Variants in IGF2R observed in about 807,000 individuals in gnomAD.
IGF2R encodes the protein cation-independent mannose-6-phosphate receptor.
Under a neutral mutation model 270.6 loss-of-function variants are expected in IGF2R, and 91 were observed. That is an observed-to-expected ratio of 0.34 (90% CI 0.28 to 0.40). The LOEUF (loss-of-function observed/expected upper bound fraction) is 0.40. Ranked by LOEUF, IGF2R falls within the 10% of genes least tolerant of loss-of-function variation. The pLI is 1.00. For missense variants in IGF2R, 2,805 were observed against 3,188.3 expected, an observed-to-expected ratio of 0.88 and a Z score of 2.90; for synonymous variants, 1,316 against 1,258.9, an observed-to-expected ratio of 1.05 and a Z score of -0.96.
At chr6:159,971,924 T>A (rs1783615279) in intron 1 of IGF2R, among the ~76,000 whole-genome samples, 1 of 152,166 alleles carries the variant, frequency 6.6e-6, no homozygotes. Context: ...CCCAAAGTGT[T>A]GGGATTACAG....
intron 45 of IGF2R, among the ~76,000 whole-genome samples, chr6:160,101,832 A>G (rs1015599257): frequency 2.6e-5 from 4 of 152,218 alleles, no homozygotes; most frequent in Admixed American, 2.6e-4. Context: ...GTTCGATGTC[A>G]TGGAAACGCA....
intron 45 of IGF2R, among the ~76,000 whole-genome samples, chr6:160,098,821 G>GA (rs529234187): frequency 1.6e-4 from 24 of 151,628 alleles, no homozygotes; most frequent in Non-Finnish European, 2.7e-4. Context: ...TAGATCTCAG[G>GA]AAAAAAAATC....
At chr6:159,972,483 G>A (rs748866117) in intron 1 of IGF2R, among the ~76,000 whole-genome samples, 4 of 152,300 alleles carry the variant, frequency 2.6e-5, no homozygotes, top group Non-Finnish European at 2.9e-5. Context: ...AATCCTAGCC[G>A]TAAATTCTCA....
intron 45 of IGF2R, among the ~76,000 whole-genome samples, chr6:160,098,223 T>A (rs749252931): frequency 3.9e-5 from 6 of 152,166 alleles, no homozygotes. Context: ...AGAGTTCGAC[T>A]TCTGTGAGTA....
rs759209667 is a variant in IGF2R at position 160,040,611 on chromosome 6, A to C, written c.1367A>C (p.Tyr456Ser). The change falls in exon 11 of 48, where the codon TAC becomes TCC. Residue 456 changes from tyrosine to serine, a missense_variant. Tyr to Ser is a moderately radical substitution (Grantham distance 144, BLOSUM62 -2). Around this residue, in one of 2 missense-constraint regions of IGF2R, gnomAD observed 954 missense variants for 981.1 expected, o/e 0.97. Transcript: ENST00000356956. The part of the protein sequence containing the change: ...PVFTGEVDCT[Y>S]FFTWDTEYAC... Reference sequence around the variant, plus strand: ...TTCACAGGGGAGGTTGACTGCACCTACTTCTTCACATGGGACACGGAATAC... The same window carrying C: ...TTCACAGGGGAGGTTGACTGCACCTCCTTCTTCACATGGGACACGGAATAC... 1.1e-5 allele frequency: 18 copies of C among 1,613,966 alleles called. No individual in the cohort carries two copies. The highest frequency in any genetic ancestry group is 1.5e-5 in the Non-Finnish European group (18 of 1,179,948).
chr6:160,097,374 A>G (rs144420531), intron 45 of IGF2R, among the ~76,000 whole-genome samples: 4 of 152,266 alleles, frequency 2.6e-5, no homozygotes, highest in African/African-American at 9.6e-5. Flanking sequence ...TCTGTCACTC[A>G]GGCTGGAGTG....
At chr6:159,996,413 C>T (rs1388962754) in intron 2 of IGF2R, among the ~76,000 whole-genome samples, 1 of 152,158 alleles carries the variant, frequency 6.6e-6, no homozygotes, top group Non-Finnish European at 1.5e-5. Flanking sequence ...CTGTGGAATG[C>T]ACAGTGGCCT....
At chr6:160,093,903 A>G in intron 44 of IGF2R, 2 of 720,204 alleles carry the variant, frequency 2.8e-6, no homozygotes, top group African/African-American at 1.7e-5. Context: ...GCTGATCAGC[A>G]TGGGGACAGT....
chr6:160,072,447 C>T (rs943382086), intron 32 of IGF2R, among the ~76,000 whole-genome samples: 3 of 152,228 alleles, frequency 2.0e-5, no homozygotes, highest in East Asian at 3.9e-4. Context: ...GGCACAGGCA[C>T]AGTCCATTGG....
chr6:160,078,821 G>T (rs961495174), intron 37 of IGF2R, among the ~76,000 whole-genome samples: 2 of 152,174 alleles, frequency 1.3e-5, no homozygotes, highest in African/African-American at 4.8e-5. Flanking sequence ...GGAGGTAGGA[G>T]GTGCCCTGGA....
intron 2 of IGF2R, chr6:160,003,244 T>C (rs887569790): frequency 2.0e-5 from 3 of 152,266 alleles, no homozygotes; most frequent in African/African-American, 7.2e-5. Context: ...ACTCATAAGA[T>C]GTGAAAATGC....
At chr6:160,093,563 G>A (rs1779279485) in intron 44 of IGF2R, 5 of 653,414 alleles carry the variant, frequency 7.7e-6, no homozygotes, top group Non-Finnish European at 2.9e-6. Flanking sequence ...CGATTTCCAG[G>A]GGATTCCAGA....
chr6:160,031,132 G>T (rs940645054), intron 7 of IGF2R, among the ~76,000 whole-genome samples: 5 of 152,108 alleles, frequency 3.3e-5, no homozygotes, highest in Non-Finnish European at 7.4e-5. Context: ...GTGAGCCACC[G>T]CACCGGCCAG....
At position 160,011,550 on chromosome 6, in the gene IGF2R, CGT is replaced by C. The variant is rs1491293582; in HGVS notation, c.513+766_513+767del. Among the ~76,000 whole-genome samples, 379 of 108,208 alleles carry C rather than the reference CGT, an allele frequency of 3.5e-3. 1 individual carries two copies. The highest frequency in any genetic ancestry group is 0.022 in the Middle Eastern group (5 of 230). The allele number at this position is 108,208 out of a possible 152,430, so 71.0% of individuals were successfully genotyped here. On this transcript the variant is annotated intron_variant, in intron 4 of 47. Transcript: ENST00000356956. ...TACATATGTGTTACCTCACATATTT[CGT>C]TTTTTTTTTTTTTTTTGTGAGGACT...
At chr6:160,047,074 C>A in intron 15 of IGF2R, 85 bp from the exon 16 acceptor site, 1 of 1,323,484 alleles carries the variant, frequency 7.6e-7, no homozygotes, top group Non-Finnish European at 1.1e-6. Flanking sequence ...CCTCACGTCG[C>A]TCACGGGCCC....
chr6:160,071,873 C>T (rs1466633899), intron 31 of IGF2R, 37 bp from the exon 32 acceptor site: 7 of 1,605,948 alleles, frequency 4.4e-6, no homozygotes, highest in Admixed American at 3.4e-5. Flanking sequence ...GGAGTTTTTG[C>T]GTGATCCCTT....
At position 160,012,765 on chromosome 6, in the gene IGF2R, T is replaced by TATATATATATATATATATATATATA. The variant is rs1562343074; in HGVS notation, c.513+1980_513+1981insATATATATATATATATATATATATA. ...CTAATTTATATATATATATATATAT[T>TATATATATATATATATATATATATA]TTTTTTTTTTTTTGTTTGTTTGTTT... On this transcript the variant is annotated intron_variant, in intron 4 of 47. Transcript: ENST00000356956. Among the ~76,000 whole-genome samples the TATATATATATATATATATATATATA allele has an allele frequency of 1.7e-4, 13 of 76,550 alleles. No homozygotes were observed. The East Asian group carries it at 1.8e-3, about 10-fold the overall frequency. 50.2% of individuals were successfully genotyped at this position (76,550 alleles called of 152,430 possible). A position where few individuals can be genotyped will look rare whatever the true frequency, so the allele number is the denominator to read the frequency against.
chr6:159,969,175 C>G lies in IGF2R; in HGVS notation c.-72C>G. 1 of 912,932 alleles carries G rather than the reference C, an allele frequency of 1.1e-6. No individual in the cohort carries two copies. Among genetic ancestry groups the G allele is most frequent in the Non-Finnish European group, 1.3e-6 (1 of 765,030 alleles). The allele number at this position is 912,932 out of a possible 1,614,324, so 56.6% of individuals were successfully genotyped here. A position where few individuals can be genotyped will look rare whatever the true frequency, so the allele number is the denominator to read the frequency against. ...CGCCTTTGCCCTGGCGGCGCGACCCCGTCCCGGGCGCGGCCCCCAGCAGTC... is the reference window on the plus strand; with the variant it reads ...CGCCTTTGCCCTGGCGGCGCGACCCGGTCCCGGGCGCGGCCCCCAGCAGTC... On this transcript the variant is annotated 5_prime_UTR_variant, in exon 1 of 48. Transcript: ENST00000356956.
Position 160,084,916 on chromosome 6 carries a change from T to G in IGF2R, c.6069-79T>G. 2.2e-6 allele frequency: 3 copies of G among 1,379,400 alleles called. No individual in the cohort carries two copies. Among genetic ancestry groups the G allele is most frequent in the Non-Finnish European group, 3.0e-6 (3 of 1,003,994 alleles). The allele number at this position is 1,379,400 out of a possible 1,614,324, so 85.4% of individuals were successfully genotyped here. A position where few individuals can be genotyped will look rare whatever the true frequency, so the allele number is the denominator to read the frequency against. ...AGTTATCAGAACCTTTCTCTGAAAG[T>G]AAAGTGAAGAGCCCTCCTGTGTCAG... On this transcript the variant is annotated intron_variant, in intron 40 of 47. Transcript: ENST00000356956. This position sits in a 1 kb window ranked among gnomAD's most constrained non-coding sequence, Gnocchi z 4.6.
Sources: allele counts gnomAD v4.1 joint callset (sites outside exome capture counted in the v4.1 genomes callset), GRCh38; gene constraint gnomAD v4.1.1; regional missense constraint gnomAD v4.1.1; non-coding constraint Gnocchi (gnomAD v3.1); transcripts MANE v1.5; gene names NCBI Gene and HGNC (gene_info 2026-07-23, HGNC 2026-07-21).